ROBO3: variants seen among roughly 807,000 people sequenced by gnomAD.
ROBO3 encodes the protein roundabout guidance receptor 3, also known as roundabout homolog 3.
ROBO3 carries 97 observed loss-of-function variants against 160.5 expected under a neutral mutation model. The observed-to-expected ratio is 0.60, with a 90% CI of 0.51 to 0.72. The LOEUF is 0.72. Among genes scored for constraint, ROBO3 ranks in the 30% least tolerant of loss-of-function variants. The pLI, the probability that ROBO3 is intolerant of heterozygous loss-of-function variation, is 0.00. For missense variants in ROBO3, 1,858 were observed against 1,846.5 expected, an observed-to-expected ratio of 1.01 and a Z score of -0.11; for synonymous variants, 780 against 746.2, an observed-to-expected ratio of 1.05 and a Z score of -0.74.
In ROBO3 at chr11:124,874,820, T is replaced by G; in HGVS notation, c.1984T>G (p.Trp662Gly). The G allele has an allele frequency of 1.2e-6, 2 of 1,605,762 alleles. No homozygotes were observed. The highest frequency in any genetic ancestry group is 1.7e-6 in the Non-Finnish European group (2 of 1,176,312). Reference sequence around the variant, plus strand: ...CCCCTCTAGGCCAGTGGAGGACCCATGGAGAGGCCAGCAGGGACTGGCGGA... The same window carrying G: ...CCCCTCTAGGCCAGTGGAGGACCCAGGGAGAGGCCAGCAGGGACTGGCGGA... Reference protein sequence around the residue: ...SSPSRPVEDPWRGQQGLAEVA... With the variant: ...SSPSRPVEDPGRGQQGLAEVA... The change falls in exon 13 of 28, where the codon TGG becomes GGG. Residue 662 changes from tryptophan (W) to glycine (G), a missense_variant. Coordinates refer to ENST00000397801, the MANE Select transcript of ROBO3 (RefSeq NM_022370.4).
chr11:124,875,009 G>A, intron 13 of ROBO3, 100 bp downstream of exon 13: 1 of 1,521,252 alleles, frequency 6.6e-7, no homozygotes, highest in Non-Finnish European at 8.9e-7. Flanking sequence ...GAGTGGCTGG[G>A]GAAGGCGGCA....
chr11:124,879,715 G>T, intron 25 of ROBO3, 72 bp from the exon 26 acceptor site: 1 of 1,594,542 alleles, frequency 6.3e-7, no homozygotes, highest in East Asian at 2.3e-5. Context: ...CCTGGTGCCA[G>T]GGAATGCAGG....
In ROBO3 at chr11:124,869,989, C is replaced by T. The variant is rs1201863944; in HGVS notation, c.687C>T (p.Ser229=). The T allele has an allele frequency of 7.4e-6, 12 of 1,613,500 alleles. No individual in the cohort carries two copies. Among genetic ancestry groups the T allele is most frequent in the East Asian group, 2.2e-5 (1 of 44,858 alleles). ...GKLMMSHTLK[S]DAGMYVCVAS... is the part of the protein sequence containing the mutation. Reference sequence around the variant, plus strand: ...TGATGATGTCACATACACTCAAGAGCGATGCAGGCATGTATGTGTGCGTAG... The same window carrying T: ...TGATGATGTCACATACACTCAAGAGTGATGCAGGCATGTATGTGTGCGTAG... The change falls in exon 4 of 28, where the codon AGC becomes AGT. Residue 229 remains serine (S), a synonymous_variant. Transcript: ENST00000397801. This position sits in a 1 kb window ranked among gnomAD's most constrained non-coding sequence, Gnocchi z 4.2.
chr11:124,879,943 C>G lies in ROBO3; in HGVS notation c.3953C>G (p.Pro1318Arg), dbSNP rs1423413516. 1 of 1,576,644 alleles carries G rather than the reference C, an allele frequency of 6.3e-7. No individual in the cohort carries two copies. The highest frequency in any genetic ancestry group is 1.4e-5 in the African/African-American group (1 of 74,034). ...VPLAAQRVLHPDEEAWLPYSR... is the reference protein window; with the variant it reads ...VPLAAQRVLHRDEEAWLPYSR... ...CTGGCAGCCCAGCGGGTGCTCCACC[C>G]AGATGGTAAGCAGGGCCAGGGCAGG... The change falls in exon 26 of 28, where the codon CCA (proline) becomes CGA (arginine). Residue 1318 changes from proline to arginine, a missense_variant. Transcript: ENST00000397801.
chr11:124,877,022 A>C (rs1264731963), intron 17 of ROBO3, 139 bp from the exon 18 acceptor site: 22 of 968,778 alleles, frequency 2.3e-5, no homozygotes, highest in Non-Finnish European at 3.5e-5. Context: ...ACCCCCGAGA[A>C]ATTCTGATGA....
chr11:124,875,379 A>C (rs1164544887), intron 14 of ROBO3, 43 bp downstream of exon 14: 3 of 421,860 alleles, frequency 7.1e-6, no homozygotes, highest in African/African-American at 4.3e-5. Flanking sequence ...AGAGGGAAGA[A>C]GGGGTGGGGG....
At chr11:124,867,244 G>A (rs904995613) in intron 1 of ROBO3, among the ~76,000 whole-genome samples, 2 of 152,216 alleles carry the variant, frequency 1.3e-5, no homozygotes, top group Non-Finnish European at 1.5e-5. Flanking sequence ...AGGTGCATAT[G>A]CTGGGAACAC....
chr11:124,879,579 A>AG lies in ROBO3; in HGVS notation c.3796+10dup. The AG allele has an allele frequency of 6.2e-7, 1 of 1,608,316 alleles. No homozygotes were observed. The highest frequency in any genetic ancestry group is 2.2e-5 in the East Asian group (1 of 44,762). ...AGGAGGGAGAACAGTCCTGGGGGTGAGGGGGGATGCACCTGGGAGATGGTG... is the reference window on the plus strand; with the variant it reads ...AGGAGGGAGAACAGTCCTGGGGGTGAGGGGGGGATGCACCTGGGAGATGGTG... On this transcript the variant is annotated splice_donor_region_variant and intron_variant, in intron 25 of 27. Coordinates refer to ENST00000397801, the MANE Select transcript of ROBO3 (RefSeq NM_022370.4).
chr11:124,875,389 G>A, intron 14 of ROBO3, 53 bp downstream of exon 14: 4 of 1,382,468 alleles, frequency 2.9e-6, no homozygotes, highest in South Asian at 1.2e-5. Context: ...AGGGGTGGGG[G>A]TGGAGGTGGA....
intron 27 of ROBO3, 60 bp downstream of exon 27, chr11:124,880,668 CGT>C: frequency 6.9e-7 from 1 of 1,451,668 alleles, no homozygotes; most frequent in Admixed American, 2.6e-5. Flanking sequence ...TGGACCAAGG[CGT>C]AATGGAAAAC....
chr11:124,870,550 G>A lies in ROBO3; in HGVS notation c.906-51G>A. 2.5e-6 allele frequency: 4 copies of A among 1,612,108 alleles called. No homozygotes were observed. In the South Asian group the frequency reaches 3.3e-5, roughly 13 times the overall value. ...CCTGGTGTCTGTCCTGGGGGAGAGA[G>A]AAAGGGTCTGTAGCTGTGGCCAACC... is the stretch of plus-strand genomic sequence containing the variant. On this transcript the variant is annotated intron_variant, in intron 5 of 27. Transcript: ENST00000397801.
rs201405429 is a variant in ROBO3, at chr11:124,874,856, C to T, written c.2020C>T (p.Arg674Cys). The change falls in exon 13 of 28, where the codon CGC (arginine) becomes TGC (cysteine). Residue 674 changes from arginine to cysteine, a missense_variant. Arg to Cys is a radical substitution (Grantham distance 180, BLOSUM62 -3). Transcript: ENST00000397801. ...GQQGLAEVAVRLQEPIVLGPR... is the reference protein window; with the variant it reads ...GQQGLAEVAVCLQEPIVLGPR... ...GCAGGGACTGGCGGAAGTGGCTGTG[C>T]GCCTGCAGGAGCCCATAGTCCTGGG... 8.8e-4 allele frequency: 1,403 copies of T among 1,599,796 alleles called. 2 individuals are homozygous for T. Among genetic ancestry groups the T allele is most frequent in the Middle Eastern group, 1.8e-3 (11 of 6,028 alleles).
At position 124,879,273 on chromosome 11, in the gene ROBO3, G is replaced by C; in HGVS notation, c.3617G>C (p.Gly1206Ala). 6.3e-7 allele frequency: 1 copy of C among 1,587,766 alleles called. No individual in the cohort carries two copies. The highest frequency in any genetic ancestry group is 8.6e-7 in the Non-Finnish European group (1 of 1,167,694). Residue 1206 changes from glycine to alanine, a missense_variant, in exon 24 of 28, where the codon GGT becomes GCT. Coordinates refer to ENST00000397801, the MANE Select transcript of ROBO3 (RefSeq NM_022370.4). ...GIREARPAGL[G>A]AGPAASPHLS... ...CGTGAAGCGAGGCCTGCTGGCTTGG[G>C]TGCTGGCCCTGCAGCCTCACCCCAC... is the stretch of plus-strand genomic sequence containing the variant.
rs1336256443 is a variant in ROBO3, at chr11:124,869,772, G to T, written c.645+165G>T. Among the ~76,000 whole-genome samples the T allele has an allele frequency of 6.6e-6, 1 of 152,346 alleles. No homozygotes were observed. Among genetic ancestry groups the T allele is most frequent in the Admixed American group, 6.5e-5 (1 of 15,304 alleles). ...GAATTGGTATAAAAAAGGGGCGGGGGCATGATGCCCCAGGAACTTCCCATT... is the reference window on the plus strand; with the variant it reads ...GAATTGGTATAAAAAAGGGGCGGGGTCATGATGCCCCAGGAACTTCCCATT... On this transcript the variant is annotated intron_variant, in intron 3 of 27. Coordinates refer to ENST00000397801, the MANE Select transcript of ROBO3 (RefSeq NM_022370.4). This position sits in a 1 kb window ranked among gnomAD's most constrained non-coding sequence, Gnocchi z 4.2.
rs548341049 is a variant in ROBO3 at position 124,874,907 on chromosome 11, A to G, written c.2071A>G (p.Thr691Ala). 1.7e-5 allele frequency: 28 copies of G among 1,604,408 alleles called. No homozygotes were observed. Among genetic ancestry groups the G allele is most frequent in the Non-Finnish European group, 4.3e-6 (5 of 1,175,646 alleles). ...ACCCCGGACCCTGCAGGTGTCCTGGACTGTGAGTGTGGTATGGGGAGGAGA... is the reference window on the plus strand; with the variant it reads ...ACCCCGGACCCTGCAGGTGTCCTGGGCTGTGAGTGTGGTATGGGGAGGAGA... ...LGPRTLQVSW[T>A]VDGPVQLVQG... is the part of the protein sequence containing the mutation. The change falls in exon 13 of 28, where the codon ACT becomes GCT. Residue 691 changes from threonine to alanine, a missense_variant and splice_region_variant. Transcript: ENST00000397801.
In ROBO3 at chr11:124,872,634, A is replaced by C. The variant is rs1243379072; in HGVS notation, c.1330+82A>C. 2.2e-6 allele frequency: 3 copies of C among 1,370,838 alleles called. No individual in the cohort carries two copies. The East Asian group carries it at 7.1e-5, about 33-fold the overall frequency. 84.9% of individuals were successfully genotyped at this position (1,370,838 alleles called of 1,614,324 possible). A position where few individuals can be genotyped will look rare whatever the true frequency, so the allele number is the denominator to read the frequency against. ...AAGTGATGTGTTTCTCTTGGAGTCT[A>C]TATACTATGTCTGCAAGAGGAGAGA... is the stretch of plus-strand genomic sequence containing the variant. On this transcript the variant is annotated intron_variant, in intron 8 of 27. Transcript: ENST00000397801. This position sits in a 1 kb window ranked among gnomAD's most constrained non-coding sequence, Gnocchi z 4.3.
Position 124,870,678 on chromosome 11 carries a change from C to T in ROBO3, c.983C>T (p.Ala328Val), listed in dbSNP as rs201285035. Residue 328 changes from alanine to valine, a missense_variant, in exon 6 of 28, where the codon GCG becomes GTG. Ala to Val is a moderately conservative substitution (Grantham distance 64). Coordinates refer to ENST00000397801, the MANE Select transcript of ROBO3 (RefSeq NM_022370.4). ...GATGAGGGAACGTACACCTGTGTGGCGGAGAACAGTGTGGGCCGCGCTGAA... is the reference window on the plus strand; with the variant it reads ...GATGAGGGAACGTACACCTGTGTGGTGGAGAACAGTGTGGGCCGCGCTGAA... ...AEDEGTYTCV[A>V]ENSVGRAEAS... 5.5e-5 allele frequency: 88 copies of T among 1,612,866 alleles called. No homozygotes were observed. Among genetic ancestry groups the T allele is most frequent in the South Asian group, 1.4e-4 (13 of 90,664 alleles).
chr11:124,867,643 A>G (rs1015935121), intron 1 of ROBO3, among the ~76,000 whole-genome samples: 75 of 152,198 alleles, frequency 4.9e-4, no homozygotes, highest in African/African-American at 1.8e-3. Context: ...AAATAAACTC[A>G]GAACAGCGCC....
rs1442394542 is a variant in ROBO3 at position 124,873,399 on chromosome 11, TTTTC to T, written c.1618+15_1618+18del. 6.2e-7 allele frequency: 1 copy of T among 1,607,566 alleles called. No individual in the cohort carries two copies. The highest frequency in any genetic ancestry group is 8.5e-7 in the Non-Finnish European group (1 of 1,177,020). On this transcript the variant is annotated intron_variant, in intron 10 of 27. Coordinates refer to ENST00000397801, the MANE Select transcript of ROBO3 (RefSeq NM_022370.4). The surrounding 1 kb of genome is among the most constrained non-coding windows in gnomAD (Gnocchi z 4.5). Reference sequence around the variant, plus strand: ...GCTGGCTTAAGATGCGGGGTGAGTTTTTTCTTTCTTCCCTTATTTTGATAATACC... The same window carrying T: ...GCTGGCTTAAGATGCGGGGTGAGTTTTTTCTTCCCTTATTTTGATAATACC...
Sources: allele counts gnomAD v4.1 joint callset (sites outside exome capture counted in the v4.1 genomes callset), GRCh38; gene constraint gnomAD v4.1.1; non-coding constraint Gnocchi (gnomAD v3.1); transcripts MANE v1.5; gene names NCBI Gene and HGNC (gene_info 2026-07-23, HGNC 2026-07-21).